The following PSMF1 variants were observed in gnomAD, a reference collection of about 807,000 sequenced individuals.
PSMF1 encodes the protein proteasome inhibitor subunit 1, also known as proteasome inhibitor PI31 subunit.
Under a neutral mutation model 29.3 loss-of-function variants are expected in PSMF1, and 30 were observed. That is an observed-to-expected ratio of 1.02 (90% CI 0.77 to 1.39). The LOEUF (loss-of-function observed/expected upper bound fraction) is 1.39, where lower values mean the gene tolerates loss of function less well. Ranked by LOEUF, PSMF1 falls within the 40% of genes most tolerant of loss-of-function variation. The pLI, the probability that PSMF1 is intolerant of heterozygous loss-of-function variation, is 0.00. For missense variants in PSMF1, 344 were observed against 357.5 expected (o/e 0.96, Z 0.31); for synonymous variants, 134 against 139.7 (o/e 0.96, Z 0.29).
chr20:1,115,938 G>A (rs1568459858), upstream of PSMF1, among the ~76,000 whole-genome samples: 1 of 151,614 alleles, frequency 6.6e-6, no homozygotes, highest in Non-Finnish European at 1.5e-5. Flanking sequence ...TCACCATGTT[G>A]GCCAGGCTGG....
rs1193743390 is a variant in PSMF1 at position 1,135,245 on chromosome 20, A to G, written c.490A>G (p.Arg164Gly). The change falls in exon 4 of 7, where the codon AGA becomes GGA. Residue 164 changes from arginine (R) to glycine (G), a missense_variant. Physicochemically the swap from Arg to Gly is moderately radical, Grantham distance 125. Transcript: ENST00000335877. ...PHREFPPATA[R>G]EVDPLRIPPH... ...CCGGGAGTTCCCCCCTGCTACCGCC[A>G]GAGAGGTGGACCCACTCCGGATTCC... 3 of 1,613,912 alleles carry G rather than the reference A, an allele frequency of 1.9e-6. No homozygotes were observed. Among genetic ancestry groups the G allele is most frequent in the Non-Finnish European group, 2.5e-6 (3 of 1,179,976 alleles).
chr20:1,166,236 T>C lies in PSMF1; in HGVS notation c.*1156T>C. 6.2e-7 allele frequency: 1 copy of C among 1,612,440 alleles called. No homozygotes were observed. The highest frequency in any genetic ancestry group is 8.5e-7 in the Non-Finnish European group (1 of 1,179,728). On this transcript the variant is annotated 3_prime_UTR_variant, in exon 7 of 7. Coordinates refer to ENST00000335877, the MANE Select transcript of PSMF1 (RefSeq NM_006814.5). Reference sequence around the variant, plus strand: ...TCCGGATCCTTTTCAGCCCGAGGCCTGACAGACGCGGGCAGTGATGAGCCC... The same window carrying C: ...TCCGGATCCTTTTCAGCCCGAGGCCCGACAGACGCGGGCAGTGATGAGCCC...
chr20:1,125,424 T>A (rs1361708383), intron 1 of PSMF1, 74 bp from the exon 2 acceptor site: 138 of 1,455,312 alleles, frequency 9.5e-5, no homozygotes, highest in Non-Finnish European at 1.3e-4. Context: ...TAAGATTAGC[T>A]TATCTCGTGA....
At chr20:1,131,143 A>G (rs1459774050) in intron 3 of PSMF1, among the ~76,000 whole-genome samples, 1 of 152,234 alleles carries the variant, frequency 6.6e-6, no homozygotes, top group Non-Finnish European at 1.5e-5. Context: ...AGGGAGGGAC[A>G]TTTGGAGTGT....
rs1164681501 is a variant in PSMF1 at position 1,165,094 on chromosome 20, G to A, written c.*14G>A. ...ATGTACCTGTGAAGGCCTCAAGAAT[G>A]TAACATCCCAGGCTTCCCTCCATTC... On this transcript the variant is annotated 3_prime_UTR_variant, in exon 7 of 7. Coordinates refer to ENST00000335877, the MANE Select transcript of PSMF1 (RefSeq NM_006814.5). The A allele has an allele frequency of 2.5e-6, 4 of 1,614,042 alleles. No homozygotes were observed. The African/African-American group carries it at 4.0e-5, about 16-fold the overall frequency.
intron 4 of PSMF1, among the ~76,000 whole-genome samples, chr20:1,144,892 C>T (rs981138017): frequency 2.0e-5 from 3 of 152,192 alleles, no homozygotes; most frequent in Admixed American, 6.5e-5. Context: ...TTCCAACCCC[C>T]GTGAATCTTT....
At chr20:1,129,065 G>A (rs572977680) in intron 3 of PSMF1, among the ~76,000 whole-genome samples, 68 of 151,970 alleles carry the variant, frequency 4.5e-4, no homozygotes, top group Non-Finnish European at 7.9e-4. Context: ...TATTTTAGTA[G>A]AGATGGGGTT....
intron 3 of PSMF1, among the ~76,000 whole-genome samples, chr20:1,128,654 G>T (rs967276940): frequency 6.6e-6 from 1 of 152,080 alleles, no homozygotes; most frequent in African/African-American, 2.4e-5. Flanking sequence ...ATATAGTTAA[G>T]CTGATTTATG....
upstream of PSMF1, among the ~76,000 whole-genome samples, chr20:1,117,063 G>C (rs1424511921): frequency 6.6e-6 from 1 of 152,170 alleles, no homozygotes; most frequent in Non-Finnish European, 1.5e-5. Flanking sequence ...GATGGGAAGT[G>C]GTCAGATTCA....
At chr20:1,147,955 T>TG (rs1331187369) in intron 4 of PSMF1, among the ~76,000 whole-genome samples, 1 of 152,178 alleles carries the variant, frequency 6.6e-6, no homozygotes, top group African/African-American at 2.4e-5. Flanking sequence ...TGAACACCCT[T>TG]GGCTGGCGCT....
Position 1,165,994 on chromosome 20 carries a change from G to C in PSMF1, c.*914G>C, listed in dbSNP as rs1464465674. On this transcript the variant is annotated 3_prime_UTR_variant, in exon 7 of 7. Transcript: ENST00000335877. Reference sequence around the variant, plus strand: ...ATTTTGATGTCTCATTCTGTGTTTGGTAACCCCTATAAACTGGGGCAGAGG... The same window carrying C: ...ATTTTGATGTCTCATTCTGTGTTTGCTAACCCCTATAAACTGGGGCAGAGG... 21 of 1,410,838 alleles carry C rather than the reference G, an allele frequency of 1.5e-5. No individual in the cohort carries two copies. Among genetic ancestry groups the C allele is most frequent in the Non-Finnish European group, 1.9e-5 (21 of 1,083,076 alleles). The allele number at this position is 1,410,838 out of a possible 1,614,324, so 87.4% of individuals were successfully genotyped here.
chr20:1,127,419 C>T lies in PSMF1; in HGVS notation c.283-7C>T. ...CAGTCTCTCACTTTCTATTTTCACC[C>T]ATCTAGGAATATGGCTCACAGCAAG... On this transcript the variant is annotated splice_polypyrimidine_tract_variant and splice_region_variant and intron_variant, in intron 2 of 6. Coordinates refer to ENST00000335877, the MANE Select transcript of PSMF1 (RefSeq NM_006814.5). 2 of 1,582,786 alleles carry T rather than the reference C, an allele frequency of 1.3e-6. No individual in the cohort carries two copies. Among genetic ancestry groups the T allele is most frequent in the East Asian group, 4.5e-5 (2 of 44,734 alleles).
rs768008377 is a variant in PSMF1, at chr20:1,118,770, G to A, written c.-4G>A. ...TCCTCCAGACGCCGAAGTCGCGGGC[G>A]CTCATGGCGGGCCTGGAGGTACTGT... is the stretch of plus-strand genomic sequence containing the variant. On this transcript the variant is annotated 5_prime_UTR_variant, in exon 1 of 7. Transcript: ENST00000335877. The A allele has an allele frequency of 1.9e-6, 3 of 1,609,690 alleles. No homozygotes were observed. The highest frequency in any genetic ancestry group is 2.2e-5 in the South Asian group (2 of 90,916).
In PSMF1 at chr20:1,127,430, A is replaced by G; in HGVS notation, c.287A>G (p.Tyr96Cys). 1 of 1,598,112 alleles carries G rather than the reference A, an allele frequency of 6.3e-7. No homozygotes were observed. Among genetic ancestry groups the G allele is most frequent in the Non-Finnish European group, 8.6e-7 (1 of 1,165,348 alleles). Reference protein sequence around the residue: ...ESSMILNVLEYGSQQVADLTL... With the variant: ...ESSMILNVLECGSQQVADLTL... ...TTTCTATTTTCACCCATCTAGGAAT[A>G]TGGCTCACAGCAAGTGGCAGACTTG... Residue 96 changes from tyrosine (Y) to cysteine (C), a missense_variant, in exon 3 of 7, where the codon TAT becomes TGT. By Grantham distance (194) the Tyr-to-Cys change is radical (BLOSUM62 -2). Transcript: ENST00000335877.
intron 2 of PSMF1, 82 bp from the exon 3 acceptor site, chr20:1,127,344 A>AAGAC (rs1445440454): frequency 9.7e-7 from 1 of 1,035,568 alleles, no homozygotes; most frequent in South Asian, 1.3e-5. Context: ...CTTTAGGTTG[A>AAGAC]AGACTTTGTT....
At chr20:1,120,942 C>A (rs561575751) in intron 1 of PSMF1, among the ~76,000 whole-genome samples, 2 of 152,150 alleles carry the variant, frequency 1.3e-5, no homozygotes, top group Non-Finnish European at 2.9e-5. Context: ...AAATAAATAT[C>A]AATCACTGTG....
In PSMF1 at chr20:1,165,952, C is replaced by G; in HGVS notation, c.*872C>G. On this transcript the variant is annotated 3_prime_UTR_variant, in exon 7 of 7. Coordinates refer to ENST00000335877, the MANE Select transcript of PSMF1 (RefSeq NM_006814.5). ...GCCAAGCCTATGAAATTGGAGGTGG[C>G]TTTCCTGCTCTAAAGCATTTTGATG... The G allele has an allele frequency of 7.3e-7, 1 of 1,362,872 alleles. No individual in the cohort carries two copies. Among genetic ancestry groups the G allele is most frequent in the Non-Finnish European group, 9.5e-7 (1 of 1,055,026 alleles). The allele number at this position is 1,362,872 out of a possible 1,614,324, so 84.4% of individuals were successfully genotyped here.
intron 3 of PSMF1, 99 bp downstream of exon 3, chr20:1,127,607 G>C: frequency 1.0e-6 from 1 of 992,886 alleles, no homozygotes. Flanking sequence ...TAAGGAAGGT[G>C]AATGGAAGAA....
chr20:1,156,710 A>G (rs1033335396), intron 4 of PSMF1, among the ~76,000 whole-genome samples: 8 of 152,208 alleles, frequency 5.3e-5, no homozygotes, highest in African/African-American at 1.9e-4. Flanking sequence ...AGAATATCTT[A>G]ACAAAGAAAC....
Sources: gnomAD v4.1 joint callset for allele counts (sites outside exome capture counted in the v4.1 genomes callset) on GRCh38, gnomAD v4.1.1 for gene constraint, MANE v1.5 for transcripts, NCBI Gene and HGNC (gene_info 2026-07-23, HGNC 2026-07-21) for gene names.